The following EIF4E3 variants were observed in gnomAD, a reference collection of about 807,000 sequenced individuals.
EIF4E3 encodes the protein eukaryotic translation initiation factor 4E type 3.
In EIF4E3, 26 loss-of-function variants were observed where a neutral mutation model predicts 31.7. The observed-to-expected ratio is 0.82, with a 90% CI of 0.60 to 1.14. The LOEUF is 1.14. Ranked by LOEUF, EIF4E3 falls within the 50% of genes most tolerant of loss-of-function variation. The pLI is 0.00. For missense variants in EIF4E3, 304 were observed against 270.9 expected, an observed-to-expected ratio of 1.12 and a Z score of -0.86; for synonymous variants, 128 against 107.7, an observed-to-expected ratio of 1.19 and a Z score of -1.17.
chr3:71,688,015 G>GC (rs2108015333), intron 6 of EIF4E3, among the ~76,000 whole-genome samples: 1 of 151,708 alleles, frequency 6.6e-6, no homozygotes, highest in East Asian at 1.9e-4. Context: ...AAAACTGCTT[G>GC]TTTTTTTTCA....
intron 1 of EIF4E3, among the ~76,000 whole-genome samples, chr3:71,737,003 A>T (rs1217866570): frequency 6.6e-6 from 1 of 152,270 alleles, no homozygotes; most frequent in East Asian, 1.9e-4. Flanking sequence ...AAATATCAAC[A>T]GCAACAATAG....
chr3:71,733,725 A>G (rs1008575930), intron 1 of EIF4E3, among the ~76,000 whole-genome samples: 1 of 152,226 alleles, frequency 6.6e-6, no homozygotes, highest in African/African-American at 2.4e-5. Flanking sequence ...TCTGTGATTT[A>G]AAACCATTCA....
intron 2 of EIF4E3, among the ~76,000 whole-genome samples, chr3:71,704,080 C>T (rs2049256386): frequency 6.6e-6 from 1 of 152,154 alleles, no homozygotes; most frequent in South Asian, 2.1e-4. Flanking sequence ...TTTACAAGAG[C>T]TAGGTACTTG....
chr3:71,743,206 C>T lies in EIF4E3; in HGVS notation c.-291+10257G>A. On this transcript the variant is annotated intron_variant, in intron 1 of 7. Transcript: ENST00000295612. ...CAGACTGAAAAAACGGTAACATTGT[C>T]TATTCCAGACAAGACGCATGTCTAT... Among the ~76,000 whole-genome samples, 2 of 152,156 alleles carry T rather than the reference C, an allele frequency of 1.3e-5. 1 individual carries two copies. Among genetic ancestry groups the T allele is most frequent in the African/African-American group, 4.8e-5 (2 of 41,458 alleles).
At chr3:71,661,221 A>T in the EIF4E3 span, among the ~76,000 whole-genome samples, 1 of 151,698 alleles carries the variant, frequency 6.6e-6, no homozygotes, top group Non-Finnish European at 1.5e-5. Context: ...CATTCCTGTG[A>T]AGAAGAGGGT....
chr3:71,725,244 G>A lies in EIF4E3; in HGVS notation c.124C>T (p.Pro42Ser). 6 of 1,105,378 alleles carry A rather than the reference G, an allele frequency of 5.4e-6. No homozygotes were observed. The highest frequency in any genetic ancestry group is 6.6e-6 in the Non-Finnish European group (6 of 904,528). The allele number at this position is 1,105,378 out of a possible 1,614,324, so 68.5% of individuals were successfully genotyped here. A position where few individuals can be genotyped will look rare whatever the true frequency, so the allele number is the denominator to read the frequency against. ...LGLQQLSALQ[P>S]EPGGVPLHSS... The stretch of plus-strand genomic sequence containing the variant: ...TGCAGCGGGACCCCGCCCGGCTCAG[G>A]CTGCAGCGCCGACAGCTGCTGCAGG... Residue 42 changes from proline to serine, a missense_variant, in exon 1 of 7, where the codon CCT (proline) becomes TCT (serine). Physicochemically the swap from Pro to Ser is moderately conservative, Grantham distance 74. Transcript: ENST00000425534. The surrounding 1 kb of genome is among the most constrained non-coding windows in gnomAD (Gnocchi z 6.1).
At chr3:71,708,744 G>A (rs545983284) in intron 2 of EIF4E3, among the ~76,000 whole-genome samples, 2 of 152,224 alleles carry the variant, frequency 1.3e-5, no homozygotes, top group South Asian at 4.2e-4. Context: ...AGTGCTCTGA[G>A]GATTAAAAAA....
intron 1 of EIF4E3, among the ~76,000 whole-genome samples, chr3:71,721,212 G>A (rs958766729): frequency 2.6e-5 from 4 of 152,144 alleles, no homozygotes; most frequent in South Asian, 2.1e-4. Context: ...AAGTCACTGC[G>A]GGTAGAATTC....
chr3:71,722,233 T>C (rs1310271471), intron 1 of EIF4E3, among the ~76,000 whole-genome samples: 2 of 152,136 alleles, frequency 1.3e-5, no homozygotes, highest in African/African-American at 4.8e-5. Flanking sequence ...GTTGAGGAGG[T>C]AGTTCAGTAT....
chr3:71,687,456 CT>C (rs1224753706), intron 6 of EIF4E3, among the ~76,000 whole-genome samples: 2 of 152,030 alleles, frequency 1.3e-5, no homozygotes, highest in East Asian at 1.9e-4. Context: ...TATACTTTTT[CT>C]TTTTTTTCCA....
At position 71,681,482 on chromosome 3, in the gene EIF4E3, G is replaced by A. The variant is rs2048922843; in HGVS notation, c.*3200C>T. On this transcript the variant is annotated 3_prime_UTR_variant, in exon 7 of 7. Coordinates refer to ENST00000425534, the MANE Select transcript of EIF4E3 (RefSeq NM_001134651.2). ...GCACCACTTCTGTCTCTGAGAGGGA[G>A]AGGGAGAGAAGGAGGAGCTGTTTAC... The A allele has an allele frequency of 6.6e-6, 1 of 152,322 alleles. No individual in the cohort carries two copies. The highest frequency in any genetic ancestry group is 1.5e-5 in the Non-Finnish European group (1 of 68,112). The allele number at this position is 152,322 out of a possible 1,614,324, so 9.4% of individuals were successfully genotyped here.
At chr3:71,707,660 G>A (rs924953864) in intron 2 of EIF4E3, among the ~76,000 whole-genome samples, 17 of 151,876 alleles carry the variant, frequency 1.1e-4, no homozygotes, top group Non-Finnish European at 2.1e-4. Flanking sequence ...CACCTATGAC[G>A]AAATTTTAAT....
intron 1 of EIF4E3, among the ~76,000 whole-genome samples, chr3:71,741,333 T>C (rs968109527): frequency 3.9e-5 from 6 of 152,252 alleles, no homozygotes; most frequent in South Asian, 2.1e-4. Flanking sequence ...AGAAGGTACA[T>C]TGTGCTAATT....
chr3:71,696,400 G>A, intron 4 of EIF4E3, 60 bp downstream of exon 4: 1 of 1,589,970 alleles, frequency 6.3e-7, no homozygotes, highest in South Asian at 1.1e-5. Context: ...AAATGCTGAT[G>A]ACAGGCAGTC....
intron 1 of EIF4E3, among the ~76,000 whole-genome samples, chr3:71,722,012 T>C (rs2049557355): frequency 7.3e-6 from 1 of 136,260 alleles, no homozygotes; most frequent in Non-Finnish European, 1.5e-5. Flanking sequence ...GAAGGGAGAG[T>C]GACAAGGGAG....
intron 1 of EIF4E3, among the ~76,000 whole-genome samples, chr3:71,732,534 C>T (rs577525152): frequency 1.2e-4 from 18 of 152,348 alleles, no homozygotes; most frequent in Admixed American, 9.8e-4. Context: ...ATAACCAACT[C>T]CTCCTGTTAG....
Position 71,681,883 on chromosome 3 carries a change from G to A in EIF4E3, c.*2799C>T, listed in dbSNP as rs564602615. 6.6e-6 allele frequency: 1 copy of A among 152,316 alleles called. No individual in the cohort carries two copies. The highest frequency in any genetic ancestry group is 6.5e-5 in the Admixed American group (1 of 15,298). The allele number at this position is 152,316 out of a possible 1,614,324, so 9.4% of individuals were successfully genotyped here. On this transcript the variant is annotated 3_prime_UTR_variant, in exon 7 of 7. Coordinates refer to ENST00000425534, the MANE Select transcript of EIF4E3 (RefSeq NM_001134651.2). ...AATCTTTAATTTAAAGTTTATTAGA[G>A]TTGTGGTTTCCTTTTCATGTTTTTG...
chr3:71,693,030 C>CCCA (rs1184158277), intron 5 of EIF4E3, among the ~76,000 whole-genome samples: 3 of 152,142 alleles, frequency 2.0e-5, no homozygotes, highest in African/African-American at 7.2e-5. Flanking sequence ...CAAACACGGC[C>CCCA]CCATCTAAGA....
chr3:71,725,547 G>A (rs1385806964), upstream of EIF4E3, among the ~76,000 whole-genome samples: 1 of 150,618 alleles, frequency 6.6e-6, no homozygotes, highest in Non-Finnish European at 1.5e-5. The surrounding 1 kb of genome is among the most constrained non-coding windows in gnomAD (Gnocchi z 6.1). Context: ...CGGAGGGGCC[G>A]TGGGAGGCAC....
Sources: allele counts gnomAD v4.1 joint callset (sites outside exome capture counted in the v4.1 genomes callset), GRCh38; gene constraint gnomAD v4.1.1; non-coding constraint Gnocchi (gnomAD v3.1); transcripts MANE v1.5; gene names NCBI Gene and HGNC (gene_info 2026-07-23, HGNC 2026-07-21).